CCDC169: variants seen among roughly 807,000 people sequenced by gnomAD.
CCDC169 encodes the protein coiled-coil domain-containing protein 169.
In CCDC169, 30 loss-of-function variants were observed where a neutral mutation model predicts 36.0. The ratio of observed to expected loss-of-function variants is 0.83; its 90% CI spans 0.62 to 1.13. The LOEUF is 1.13. Among genes scored for constraint, CCDC169 ranks in the 50% most tolerant of loss-of-function variants. The pLI is 0.00. For missense variants in CCDC169, 245 were observed against 245.9 expected (o/e 1.00, Z 0.03); for synonymous variants, 85 against 81.5 (o/e 1.04, Z -0.23).
chr13:36,252,235 C>T (rs57350606), intron 6 of CCDC169, among the ~76,000 whole-genome samples: 1 of 152,182 alleles, frequency 6.6e-6, no homozygotes, highest in Non-Finnish European at 1.5e-5. Flanking sequence ...GGAACCAGTG[C>T]CTTCAGCCCA....
rs143420461 is a variant in CCDC169 at position 36,281,488 on chromosome 13, A to G, written c.315+1981T>C. Among the ~76,000 whole-genome samples, 983 of 152,246 alleles carry G rather than the reference A, an allele frequency of 6.5e-3. 14 individuals are homozygous for G. Among genetic ancestry groups the G allele is most frequent in the African/African-American group, 0.023 (938 of 41,526 alleles). ...TTGGAGGCACCAACCTATTATCAGA[A>G]CAAAGACTAAAGCTTCACTCTCACT... On this transcript the variant is annotated intron_variant, in intron 4 of 7. Transcript: ENST00000239859.
chr13:36,246,716 G>A (rs1872539963), intron 7 of CCDC169, among the ~76,000 whole-genome samples: 1 of 152,192 alleles, frequency 6.6e-6, no homozygotes, highest in Non-Finnish European at 1.5e-5. Flanking sequence ...GATCACTGAT[G>A]AAGGTGATTA....
At chr13:36,249,265 T>G (rs1872857323) in intron 6 of CCDC169, among the ~76,000 whole-genome samples, 1 of 152,004 alleles carries the variant, frequency 6.6e-6, no homozygotes, top group African/African-American at 2.4e-5. Flanking sequence ...TAATACAAAC[T>G]GAGAAAGCAA....
At chr13:36,276,234 G>A (rs1402467772) in intron 4 of CCDC169, among the ~76,000 whole-genome samples, 1 of 152,126 alleles carries the variant, frequency 6.6e-6, no homozygotes, top group Non-Finnish European at 1.5e-5. Context: ...ATTCATATAT[G>A]TGAACTTATA....
At chr13:36,250,977 A>G (rs9546879) in intron 6 of CCDC169, among the ~76,000 whole-genome samples, 61,340 of 151,838 alleles carry the variant, frequency 0.4, 13,126 homozygotes, top group Non-Finnish European at 0.48. Context: ...CTATGTTTAC[A>G]AAGATAGAAG....
chr13:36,277,927 A>C (rs1877036335), intron 4 of CCDC169, among the ~76,000 whole-genome samples: 1 of 150,650 alleles, frequency 6.6e-6, no homozygotes, highest in Admixed American at 6.7e-5. Flanking sequence ...CCTGGGCAAC[A>C]GAGCAAGACT....
intron 4 of CCDC169, among the ~76,000 whole-genome samples, chr13:36,254,948 A>G (rs912928): frequency 0.41 from 61,528 of 151,764 alleles, 13,250 homozygotes; most frequent in Non-Finnish European, 0.48. Context: ...TGGCACTTCC[A>G]GGTTCCTTTG....
At chr13:36,283,811 T>C in intron 2 of CCDC169, 109 bp from the exon 3 acceptor site, 1 of 811,448 alleles carries the variant, frequency 1.2e-6, no homozygotes, top group Admixed American at 2.7e-5. Context: ...TTGACTTTAT[T>C]GGCAATACAG....
chr13:36,230,766 C>T (rs888141570), downstream of CCDC169: 16 of 986,504 alleles, frequency 1.6e-5, no homozygotes, highest in Non-Finnish European at 1.9e-5. Context: ...TTAAAATGGA[C>T]TTGATTTTCG....
At chr13:36,247,515 A>G (rs1742567246) in intron 7 of CCDC169, among the ~76,000 whole-genome samples, 1 of 147,822 alleles carries the variant, frequency 6.8e-6, no homozygotes, top group Non-Finnish European at 1.5e-5. Context: ...CATTAAAAGA[A>G]GTTTGGAAGA....
intron 2 of CCDC169, among the ~76,000 whole-genome samples, chr13:36,285,621 A>AGATAGATAGATAG (rs371268581): frequency 1.6e-5 from 2 of 127,848 alleles, no homozygotes; most frequent in South Asian, 2.4e-4. Flanking sequence ...ATAGATAGAT[A>AGATAGATAGATAG]CATAGATACA....
At chr13:36,278,551 T>C (rs892404497) in intron 4 of CCDC169, among the ~76,000 whole-genome samples, 1 of 152,188 alleles carries the variant, frequency 6.6e-6, no homozygotes, top group Non-Finnish European at 1.5e-5. Context: ...AGCAGAATTT[T>C]CTAGAACATT....
chr13:36,225,462 TC>T (rs1191849067), downstream of CCDC169: 3 of 152,368 alleles, frequency 2.0e-5, no homozygotes, highest in African/African-American at 7.2e-5. Context: ...GCCTTGGCCT[TC>T]CAAAGTGTTG....
At chr13:36,297,503 C>A in intron 1 of CCDC169, 134 bp downstream of exon 1, 1 of 791,364 alleles carries the variant, frequency 1.3e-6, no homozygotes, top group Non-Finnish European at 2.1e-6. Flanking sequence ...CTTTTGGAAC[C>A]CAGACCGAAG....
Position 36,272,220 on chromosome 13 carries a change from CAA to C in CCDC169, c.315+11247_315+11248del, listed in dbSNP as rs111591842. ...ACCACTGTATAATTCATCCATGTGA[CAA>C]AAAAAAAAAACCATTTGTACCCCAA... On this transcript the variant is annotated intron_variant, in intron 4 of 7. Transcript: ENST00000239859. Among the ~76,000 whole-genome samples the C allele has an allele frequency of 4.6e-3, 663 of 144,752 alleles. 5 individuals are homozygous for C. The highest frequency in any genetic ancestry group is 0.014 in the African/African-American group (572 of 39,520). 95.0% of individuals were successfully genotyped at this position (144,752 alleles called of 152,430 possible). A position where few individuals can be genotyped will look rare whatever the true frequency, so the allele number is the denominator to read the frequency against.
At chr13:36,266,196 G>A (rs1037381812) in intron 4 of CCDC169, among the ~76,000 whole-genome samples, 8 of 152,070 alleles carry the variant, frequency 5.3e-5, no homozygotes, top group African/African-American at 1.2e-4. Flanking sequence ...CTCTGTTCTT[G>A]CTTTTCTTTC....
At chr13:36,248,739 AAG>A in intron 6 of CCDC169, 57 bp from the exon 7 acceptor site, 1 of 1,456,826 alleles carries the variant, frequency 6.9e-7, no homozygotes, top group Non-Finnish European at 9.4e-7. Context: ...TTTCAGAAAT[AAG>A]AGAGACAGTC....
At chr13:36,274,784 T>C (rs1031431629) in intron 4 of CCDC169, among the ~76,000 whole-genome samples, 1 of 151,720 alleles carries the variant, frequency 6.6e-6, no homozygotes, top group Non-Finnish European at 1.5e-5. Flanking sequence ...AGATACTGTT[T>C]ACACACCTGA....
At position 36,297,617 on chromosome 13, in the gene CCDC169, C is replaced by CCCCCGAGTGTG. The variant is rs774829883; in HGVS notation, c.83+19_83+20insCACACTCGGGG. On this transcript the variant is annotated intron_variant, in intron 1 of 7. Coordinates refer to ENST00000239859, the MANE Select transcript of CCDC169 (RefSeq NM_001144981.3). ...GGGGGGTGTGGACGGGACCCCACAC[C>CCCCCGAGTGTG]GCGCCGCCCGCCGACTCACTTCTTG... 6.5e-5 allele frequency: 100 copies of CCCCCGAGTGTG among 1,547,584 alleles called. No individual in the cohort carries two copies. In the African/African-American group the frequency reaches 1.3e-3, roughly 20 times the overall value.
Sources: allele counts gnomAD v4.1 joint callset (sites outside exome capture counted in the v4.1 genomes callset), GRCh38; gene constraint gnomAD v4.1.1; transcripts MANE v1.5; gene names NCBI Gene and HGNC (gene_info 2026-07-23, HGNC 2026-07-21).